DOCK4: variants seen among roughly 807,000 people sequenced by gnomAD.
The protein encoded by DOCK4 is dedicator of cytokinesis protein 4.
DOCK4 carries 97 observed loss-of-function variants against 268.1 expected under a neutral mutation model. The observed-to-expected ratio is 0.36, with a 90% CI of 0.31 to 0.43. The LOEUF is 0.43. DOCK4 is among the 20% of genes least tolerant of loss of function. The probability of loss-of-function intolerance (pLI) is 1.00; values close to 1 mark genes in which losing one functional copy is unlikely to be tolerated. For synonymous variants in DOCK4, 954 were observed against 887.2 expected, an observed-to-expected ratio of 1.08 and a Z score of -1.34; for missense variants, 2,145 against 2,455.7, an observed-to-expected ratio of 0.87 and a Z score of 2.67.
At chr7:112,044,186 A>G (rs1330464170) in intron 1 of DOCK4, among the ~76,000 whole-genome samples, 1 of 152,208 alleles carries the variant, frequency 6.6e-6, no homozygotes, top group Non-Finnish European at 1.5e-5. Flanking sequence ...AGTTTGTTCC[A>G]GAGTCTGTGC....
At chr7:111,999,238 A>G (rs1355545150) in intron 3 of DOCK4, among the ~76,000 whole-genome samples, 3 of 152,306 alleles carry the variant, frequency 2.0e-5, no homozygotes, top group African/African-American at 7.2e-5. Flanking sequence ...TGACAAACTC[A>G]ATTAAATATT....
chr7:111,795,675 T>C (rs1482128609), intron 30 of DOCK4, among the ~76,000 whole-genome samples: 1 of 152,154 alleles, frequency 6.6e-6, no homozygotes, highest in Admixed American at 6.5e-5. Flanking sequence ...ATGTAATTAG[T>C]GGAGCTCTGC....
chr7:112,187,388 TTGTC>T (rs1194860900), intron 1 of DOCK4, among the ~76,000 whole-genome samples: 11 of 152,232 alleles, frequency 7.2e-5, no homozygotes, highest in Non-Finnish European at 1.6e-4. Flanking sequence ...TCAAATGTCT[TTGTC>T]TGTGCAACAG....
At chr7:111,970,597 A>G (rs1298553078) in intron 8 of DOCK4, among the ~76,000 whole-genome samples, 2 of 152,226 alleles carry the variant, frequency 1.3e-5, no homozygotes, top group Non-Finnish European at 2.9e-5. Context: ...AATATGCTCT[A>G]AGAACAATTG....
At chr7:111,788,019 G>A (rs929110149) in intron 32 of DOCK4, among the ~76,000 whole-genome samples, 4 of 152,166 alleles carry the variant, frequency 2.6e-5, no homozygotes, top group Non-Finnish European at 5.9e-5. Context: ...CTTGGTACAA[G>A]CAATTCATCC....
chr7:111,862,304 A>C (rs1805602260), intron 23 of DOCK4, among the ~76,000 whole-genome samples: 2 of 151,944 alleles, frequency 1.3e-5, no homozygotes, highest in Non-Finnish European at 2.9e-5. Context: ...GTCTCAAAAA[A>C]AGCTAAAGCA....
chr7:111,829,331 G>A (rs1489345035), intron 26 of DOCK4, among the ~76,000 whole-genome samples: 1 of 152,134 alleles, frequency 6.6e-6, no homozygotes, highest in Admixed American at 6.6e-5. Context: ...TTAGCTGCCT[G>A]AGCAATGAGC....
chr7:112,066,676 C>CATATACATATAT (rs1807022216), intron 1 of DOCK4, among the ~76,000 whole-genome samples: 1 of 52,088 alleles, frequency 1.9e-5, no homozygotes, highest in African/African-American at 1.2e-4. Context: ...TATACATATA[C>CATATACATATAT]ATATATACAT....
rs563611606 is a variant in DOCK4 at position 112,048,715 on chromosome 7, T to C, written c.38-44584A>G. Among the ~76,000 whole-genome samples the C allele has an allele frequency of 1.0e-4, 15 of 146,784 alleles. No individual in the cohort carries two copies. The South Asian group carries it at 2.4e-3, about 23-fold the overall frequency. ...AAAGTAGAGAAACGTCTCTAAACAC[T>C]GGAAGAAAAAGAAAAAAAAAACATC... On this transcript the variant is annotated intron_variant, in intron 1 of 52. Transcript: ENST00000428084.
intron 25 of DOCK4, among the ~76,000 whole-genome samples, chr7:111,839,920 T>C (rs979261152): frequency 3.9e-5 from 6 of 152,202 alleles, no homozygotes; most frequent in African/African-American, 1.2e-4. Context: ...TACTAATGTA[T>C]ATTTTATCCA....
chr7:112,120,385 C>T (rs1812627003), intron 1 of DOCK4, among the ~76,000 whole-genome samples: 1 of 152,102 alleles, frequency 6.6e-6, no homozygotes, highest in Admixed American at 6.5e-5. Flanking sequence ...AAAAAGAAAT[C>T]CGGTCTCAAA....
chr7:112,116,374 A>G (rs1304298183), intron 1 of DOCK4, among the ~76,000 whole-genome samples: 1 of 152,130 alleles, frequency 6.6e-6, no homozygotes, highest in Non-Finnish European at 1.5e-5. Context: ...ATAATATTCT[A>G]TTGTATAGAA....
chr7:112,016,652 T>A (rs1011326255), intron 1 of DOCK4, among the ~76,000 whole-genome samples: 1 of 152,190 alleles, frequency 6.6e-6, no homozygotes, highest in Admixed American at 6.5e-5. Context: ...TCAATTGCAA[T>A]CAAAACCTGT....
intron 8 of DOCK4, among the ~76,000 whole-genome samples, chr7:111,976,268 ATT>A (rs1491478076): frequency 1.2e-4 from 7 of 56,400 alleles, no homozygotes; most frequent in African/African-American, 3.8e-4. Context: ...ATGTGTGTCT[ATT>A]ATATATATAT....
chr7:111,914,079 T>TAA (rs1244870315), intron 13 of DOCK4, among the ~76,000 whole-genome samples: 6 of 152,102 alleles, frequency 3.9e-5, no homozygotes, highest in Non-Finnish European at 8.8e-5. Flanking sequence ...CAGGAAATTT[T>TAA]AACGAGACTC....
At chr7:112,100,102 G>A (rs144206485) in intron 1 of DOCK4, among the ~76,000 whole-genome samples, 517 of 152,200 alleles carry the variant, frequency 3.4e-3, no homozygotes, top group Non-Finnish European at 5.5e-3. Flanking sequence ...TCAAACCTAC[G>A]TATGCTAACT....
rs565911216 is a variant in DOCK4 at position 111,728,544 on chromosome 7, C to A, written c.5658G>T (p.Pro1886=). The A allele has an allele frequency of 6.2e-7, 1 of 1,613,730 alleles. No individual in the cohort carries two copies. Among genetic ancestry groups the A allele is most frequent in the Non-Finnish European group, 8.5e-7 (1 of 1,179,838 alleles). The stretch of plus-strand genomic sequence containing the variant: ...TCGGCACGGGCACCGGCACTGGCAC[C>A]GGCAGGGGGGCCGACTGTTCATTCA... ...NQVNEQSAPL[P]VPVPVPVPSY... is the part of the protein sequence containing the mutation. The change falls in exon 53 of 53, where the codon CCG becomes CCT. Residue 1886 remains proline (P), a synonymous_variant. Transcript: ENST00000428084.
intron 1 of DOCK4, among the ~76,000 whole-genome samples, chr7:112,038,569 C>A (rs539855350): frequency 4.0e-4 from 61 of 152,150 alleles, no homozygotes; most frequent in Non-Finnish European, 7.6e-4. Flanking sequence ...ACAGTACTGT[C>A]ACTCTTGTGC....
intron 1 of DOCK4, among the ~76,000 whole-genome samples, chr7:112,098,509 A>G (rs1388383760): frequency 6.7e-6 from 1 of 150,122 alleles, no homozygotes; most frequent in Admixed American, 6.7e-5. Context: ...TAAATTATAT[A>G]TATATAATTT....
Sources: gnomAD v4.1 joint callset for allele counts (sites outside exome capture counted in the v4.1 genomes callset) on GRCh38, gnomAD v4.1.1 for gene constraint, MANE v1.5 for transcripts, NCBI Gene and HGNC (gene_info 2026-07-23, HGNC 2026-07-21) for gene names.